CDH12: variants seen among roughly 807,000 people sequenced by gnomAD.
CDH12 encodes cadherin 12.
A neutral mutation model predicts 74.1 loss-of-function variants in CDH12; 41 were observed. The ratio of observed to expected loss-of-function variants is 0.55; its 90% CI spans 0.43 to 0.72. CDH12 has a LOEUF of 0.72. Among genes scored for constraint, CDH12 ranks in the 30% least tolerant of loss-of-function variants. The pLI, the probability that CDH12 is intolerant of heterozygous loss-of-function variation, is 0.00. For synonymous variants in CDH12, 399 were observed against 355.0 expected, an observed-to-expected ratio of 1.12 and a Z score of -1.39; for missense variants, 945 against 977.2, an observed-to-expected ratio of 0.97 and a Z score of 0.44.
In CDH12 at chr5:22,275,038, C is replaced by T. The variant is rs572587314; in HGVS notation, c.-332-62395G>A. Among the ~76,000 whole-genome samples, 37 of 151,920 alleles carry T rather than the reference C, an allele frequency of 2.4e-4. No homozygotes were observed. The East Asian group carries it at 3.5e-3, about 14-fold the overall frequency. On this transcript the variant is annotated intron_variant, in intron 3 of 14. Transcript: ENST00000382254. ...AAATTCAACATTATGAAAAGTGCAC[C>T]AGCTTCTGAGTTCCAATATGAGGTG...
intron 7 of CDH12, among the ~76,000 whole-genome samples, chr5:21,845,481 G>A (rs931195876): frequency 6.6e-5 from 10 of 151,272 alleles, no homozygotes; most frequent in Non-Finnish European, 1.2e-4. Context: ...CAAACTTCTT[G>A]TCCTCATTCT....
intron 1 of CDH12, among the ~76,000 whole-genome samples, chr5:22,784,263 T>C (rs578240274): frequency 5.3e-5 from 8 of 152,276 alleles, no homozygotes; most frequent in South Asian, 2.1e-4. Context: ...GATTTACAGC[T>C]ATGATTTAGT....
At chr5:21,980,988 A>G (rs939247289) in intron 5 of CDH12, among the ~76,000 whole-genome samples, 1 of 151,624 alleles carries the variant, frequency 6.6e-6, no homozygotes, top group Admixed American at 6.6e-5. Flanking sequence ...CCTAAACCAT[A>G]CTCTTTCTTT....
intron 6 of CDH12, among the ~76,000 whole-genome samples, chr5:21,922,814 T>G (rs1459264415): frequency 6.6e-6 from 1 of 152,068 alleles, no homozygotes; most frequent in Admixed American, 6.6e-5. Context: ...TAATATTACC[T>G]TTCTCTCTGC....
At chr5:22,309,574 TGTGTGTGTGTATGTGC>T (rs1738288788) in intron 3 of CDH12, among the ~76,000 whole-genome samples, 1 of 151,946 alleles carries the variant, frequency 6.6e-6, no homozygotes, top group African/African-American at 2.4e-5. Context: ...CACAGTCAAC[TGTGTGTGTGTATGTGC>T]GTGTGTGTGC....
intron 3 of CDH12, among the ~76,000 whole-genome samples, chr5:22,366,839 C>A (rs1343188738): frequency 6.6e-6 from 1 of 152,132 alleles, no homozygotes; most frequent in East Asian, 1.9e-4. Context: ...TACTAATCAG[C>A]CCTGTACTGA....
At position 22,019,670 on chromosome 5, in the gene CDH12, C is replaced by T. The variant is rs868384990; in HGVS notation, c.232-44285G>A. On this transcript the variant is annotated intron_variant, in intron 5 of 14. Coordinates refer to ENST00000382254, the MANE Select transcript of CDH12 (RefSeq NM_004061.5). ...TGGCACCTGGATCTTGGACTTCCAC[C>T]CTCCATAACTGTGAGAAATAAATTT... Among the ~76,000 whole-genome samples the T allele has an allele frequency of 2.0e-5, 3 of 152,148 alleles. 1 individual carries two copies. Among genetic ancestry groups the T allele is most frequent in the African/African-American group, 7.2e-5 (3 of 41,434 alleles).
chr5:21,880,572 T>TTTCTTTCCTTCCTTCCTTCCTTCC (rs1752224436), intron 6 of CDH12, among the ~76,000 whole-genome samples: 11 of 12,950 alleles, frequency 8.5e-4, no homozygotes, highest in African/African-American at 1.7e-3. Context: ...CCCTTCTTTC[T>TTTCTTTCCTTCCTTCCTTCCTTCC]TTCCTTCCTT....
intron 3 of CDH12, among the ~76,000 whole-genome samples, chr5:22,257,551 G>A (rs989295908): frequency 1.1e-4 from 17 of 151,444 alleles, no homozygotes; most frequent in Non-Finnish European, 1.3e-4. Context: ...CCAGCCTAGC[G>A]TGCAGTGGCG....
At chr5:22,050,218 T>C (rs1016138404) in intron 5 of CDH12, among the ~76,000 whole-genome samples, 1 of 152,132 alleles carries the variant, frequency 6.6e-6, no homozygotes, top group African/African-American at 2.4e-5. Flanking sequence ...GCCTGCTACA[T>C]AAAGCGTCCC....
chr5:21,834,087 A>G (rs1021364411), intron 8 of CDH12, among the ~76,000 whole-genome samples: 2 of 151,982 alleles, frequency 1.3e-5, no homozygotes, highest in Non-Finnish European at 2.9e-5. Context: ...TCTATTACTC[A>G]TGCCTAAAAT....
At chr5:21,847,387 G>A (rs1202151824) in intron 7 of CDH12, among the ~76,000 whole-genome samples, 1 of 151,894 alleles carries the variant, frequency 6.6e-6, no homozygotes, top group African/African-American at 2.4e-5. Context: ...AAACCTACTG[G>A]CCTAAAACAA....
chr5:22,784,858 G>A (rs1580997571), intron 1 of CDH12, among the ~76,000 whole-genome samples: 1 of 152,068 alleles, frequency 6.6e-6, no homozygotes, highest in African/African-American at 2.4e-5. Context: ...TACATTCACA[G>A]TACTGTTGTA....
At chr5:22,674,913 G>A (rs1580875292) in intron 1 of CDH12, among the ~76,000 whole-genome samples, 2 of 152,152 alleles carry the variant, frequency 1.3e-5, no homozygotes, top group Non-Finnish European at 2.9e-5. Flanking sequence ...GGTGACTTGG[G>A]TGCTGTTAAA....
intron 3 of CDH12, among the ~76,000 whole-genome samples, chr5:22,246,569 T>G (rs964888970): frequency 6.6e-6 from 1 of 152,156 alleles, no homozygotes; most frequent in Non-Finnish European, 1.5e-5. Flanking sequence ...CTTAAATCAT[T>G]TTGGCTCAAT....
At chr5:22,561,733 G>A (rs1208642218) in intron 1 of CDH12, among the ~76,000 whole-genome samples, 2 of 152,160 alleles carry the variant, frequency 1.3e-5, no homozygotes, top group Non-Finnish European at 2.9e-5. Context: ...AATCTGGAAT[G>A]TAGGATCTCT....
intron 5 of CDH12, among the ~76,000 whole-genome samples, chr5:22,016,271 G>A (rs563368202): frequency 1.3e-5 from 2 of 152,224 alleles, no homozygotes; most frequent in South Asian, 2.1e-4. Context: ...AGTGTACACA[G>A]AACACTTTTG....
intron 9 of CDH12, among the ~76,000 whole-genome samples, chr5:21,813,857 T>C (rs902569409): frequency 6.6e-6 from 1 of 152,170 alleles, no homozygotes; most frequent in Non-Finnish European, 1.5e-5. Context: ...CCCTTCATCC[T>C]ACTTTAAGTC....
intron 1 of CDH12, among the ~76,000 whole-genome samples, chr5:22,691,390 G>A (rs1008298197): frequency 6.6e-6 from 1 of 152,144 alleles, no homozygotes; most frequent in East Asian, 1.9e-4. Flanking sequence ...TCCGCAGCTG[G>A]AGAAATTGGA....
Sources: gnomAD v4.1 joint callset for allele counts (sites outside exome capture counted in the v4.1 genomes callset) on GRCh38, gnomAD v4.1.1 for gene constraint, MANE v1.5 for transcripts, NCBI Gene and HGNC (gene_info 2026-07-23, HGNC 2026-07-21) for gene names.